The following CROCC variants were observed in gnomAD, a reference collection of about 807,000 sequenced individuals.
CROCC encodes rootletin.
Under a neutral mutation model 245.2 loss-of-function variants are expected in CROCC, and 180 were observed. The observed-to-expected ratio is 0.73, with a 90% CI of 0.65 to 0.83. The LOEUF (loss-of-function observed/expected upper bound fraction) is 0.83, where lower values mean the gene tolerates loss of function less well. Among genes scored for constraint, CROCC ranks in the 40% least tolerant of loss-of-function variants. The pLI is 0.00. For synonymous variants in CROCC, 1,205 were observed against 1,241.6 expected, an observed-to-expected ratio of 0.97 and a Z score of 0.62; for missense variants, 2,688 against 2,779.4, an observed-to-expected ratio of 0.97 and a Z score of 0.74.
At position 16,966,440 on chromosome 1, in the gene CROCC, G is replaced by T; in HGVS notation, c.4729G>T (p.Val1577Phe). 1 of 1,537,842 alleles carries T rather than the reference G, an allele frequency of 6.5e-7. No individual in the cohort carries two copies. The highest frequency in any genetic ancestry group is 8.7e-7 in the Non-Finnish European group (1 of 1,145,544). Residue 1577 changes from valine (V) to phenylalanine (F), a missense_variant, in exon 30 of 37, where the codon GTC (valine) becomes TTC (phenylalanine). Around this residue, in one of 9 missense-constraint regions of CROCC, gnomAD observed 1,218 missense variants for 1,286.3 expected, o/e 0.95. Coordinates refer to ENST00000375541, the MANE Select transcript of CROCC (RefSeq NM_014675.5). This position sits in a 1 kb window ranked among gnomAD's most constrained non-coding sequence, Gnocchi z 4.8. The part of the protein sequence containing the change: ...RRSVDGRLSG[V>F]QAELALQEES... ...CAGTGTGGATGGGCGGCTGAGCGGG[G>T]TCCAGGCGGAGCTGGCGCTGCAGGA...
upstream of CROCC, among the ~76,000 whole-genome samples, chr1:16,918,783 C>T (rs1457990007): frequency 1.4e-5 from 2 of 148,032 alleles, no homozygotes; most frequent in African/African-American, 5.0e-5. Flanking sequence ...GTCACCCAGG[C>T]TGGAGTACAG....
At chr1:16,955,856 G>C (rs759720165) in intron 24 of CROCC, 141 bp from the exon 25 acceptor site, 1 of 1,053,422 alleles carries the variant, frequency 9.5e-7, no homozygotes, top group East Asian at 2.6e-5. Flanking sequence ...AGCCCTGCAG[G>C]GCTCAGGGCT....
chr1:16,970,865 A>C, intron 35 of CROCC, 98 bp downstream of exon 35: 1 of 1,362,696 alleles, frequency 7.3e-7, no homozygotes, highest in Non-Finnish European at 9.6e-7. Flanking sequence ...AGGGCCCATA[A>C]CCCCCTCCCC....
At chr1:16,968,935 G>T (rs1468236468) in intron 31 of CROCC, 181 bp from the exon 32 acceptor site, 1 of 705,578 alleles carries the variant, frequency 1.4e-6, no homozygotes, top group Admixed American at 2.5e-5. Flanking sequence ...ATGGGATGGG[G>T]CCCAGGTGGC....
At chr1:16,948,607 C>G (rs12081151) in intron 18 of CROCC, 83 bp downstream of exon 18, 184,903 of 1,461,344 alleles carry the variant, frequency 0.13, 7,909 homozygotes, top group African/African-American at 0.2. Context: ...GGCACGGGCC[C>G]CCAGGGGCAG....
At chr1:16,969,581 G>A (rs2076478418) in intron 32 of CROCC, among the ~76,000 whole-genome samples, 1 of 152,196 alleles carries the variant, frequency 6.6e-6, no homozygotes, top group Non-Finnish European at 1.5e-5. Context: ...CAGGGGCAGG[G>A]TTTATTGGGG....
intron 13 of CROCC, among the ~76,000 whole-genome samples, chr1:16,942,790 G>A (rs1160066821): frequency 4.6e-5 from 7 of 152,378 alleles, no homozygotes; most frequent in Admixed American, 3.3e-4. Flanking sequence ...ATCCCATTTT[G>A]CATTCTGCTA....
intron 13 of CROCC, among the ~76,000 whole-genome samples, chr1:16,940,465 T>G (rs2075905379): frequency 6.6e-6 from 1 of 152,172 alleles, no homozygotes. Flanking sequence ...CTTGGCTCAT[T>G]GCATCCTCCT....
At chr1:16,956,451 G>A (rs1206374886) in intron 25 of CROCC, among the ~76,000 whole-genome samples, 6 of 152,208 alleles carry the variant, frequency 3.9e-5, no homozygotes, top group African/African-American at 1.4e-4. Flanking sequence ...AAAAGGTACA[G>A]ATTTTGTGAA....
intron 13 of CROCC, among the ~76,000 whole-genome samples, chr1:16,941,767 G>C (rs1222199111): frequency 6.6e-6 from 1 of 152,012 alleles, no homozygotes; most frequent in Non-Finnish European, 1.5e-5. Context: ...CAGTTCTTTA[G>C]TTGCCCTAGC....
rs778009448 is a variant in CROCC at position 16,968,328 on chromosome 1, G to C, written c.4986G>C (p.Glu1662Asp). 2.7e-5 allele frequency: 42 copies of C among 1,548,446 alleles called. No homozygotes were observed. The highest frequency in any genetic ancestry group is 6.9e-5 in the African/African-American group (5 of 72,938). Residue 1662 changes from glutamate (E) to aspartate (D), a missense_variant, in exon 31 of 37, where the codon GAG (glutamate) becomes GAC (aspartate). By Grantham distance (45) the Glu-to-Asp change is conservative (BLOSUM62 2). Transcript: ENST00000375541. ...VKLELQRRSL[E>D]GELQRSRLGL... ...TGGAGCTGCAGCGGCGCTCGCTTGAGGGGGAGCTGCAGCGCAGCCGCCTGG... is the reference window on the plus strand; with the variant it reads ...TGGAGCTGCAGCGGCGCTCGCTTGACGGGGAGCTGCAGCGCAGCCGCCTGG...
chr1:16,968,214 C>T lies in CROCC; in HGVS notation c.4872C>T (p.Ser1624=). ...CATGCCACCTGCAGGAGAAGATCAG[C>T]AAGATGAAGGCCAATGAGACAAAGC... ...SELRASQEKI[S]KMKANETKLE... is the part of the protein sequence containing the mutation. The change falls in exon 31 of 37, where the codon AGC becomes AGT. Residue 1624 remains serine, a synonymous_variant. Transcript: ENST00000375541. 1 of 1,564,144 alleles carries T rather than the reference C, an allele frequency of 6.4e-7. No homozygotes were observed. The highest frequency in any genetic ancestry group is 8.7e-7 in the Non-Finnish European group (1 of 1,155,700).
upstream of CROCC, among the ~76,000 whole-genome samples, chr1:16,920,265 G>A (rs2075376018): frequency 3.9e-5 from 6 of 152,250 alleles, no homozygotes; most frequent in South Asian, 1.2e-3. Flanking sequence ...TTTTAATAGA[G>A]ACGGGGTTTC....
At chr1:16,930,739 C>G in intron 7 of CROCC, 145 bp downstream of exon 7, 1 of 1,011,792 alleles carries the variant, frequency 9.9e-7, no homozygotes, top group Non-Finnish European at 1.4e-6. Flanking sequence ...ATCACAATAG[C>G]TGGTCTTTAT....
At chr1:16,932,520 G>C (rs2075700334) in intron 8 of CROCC, among the ~76,000 whole-genome samples, 2 of 152,242 alleles carry the variant, frequency 1.3e-5, no homozygotes, top group Non-Finnish European at 2.9e-5. Flanking sequence ...TGTCCTCGAG[G>C]CTCAGAAGGA....
intron 20 of CROCC, among the ~76,000 whole-genome samples, chr1:16,951,614 T>A (rs1275609840): frequency 6.6e-6 from 1 of 152,260 alleles, no homozygotes; most frequent in African/African-American, 2.4e-5. Context: ...TGAAAGGTAT[T>A]GAAGATGAGC....
intron 30 of CROCC, among the ~76,000 whole-genome samples, chr1:16,967,393 C>A (rs555528545): frequency 3.2e-4 from 49 of 152,322 alleles, no homozygotes; most frequent in African/African-American, 1.1e-3. Context: ...CCCCCACCAC[C>A]CCCGCCCCCA....
intron 21 of CROCC, chr1:16,953,766 C>T: frequency 2.8e-6 from 1 of 358,968 alleles, no homozygotes; most frequent in South Asian, 3.7e-5. Flanking sequence ...CCACGCTGGG[C>T]ATGGATCCTC....
In CROCC at chr1:16,929,852, C is replaced by G. The variant is rs1018450259; in HGVS notation, c.358C>G (p.Gln120Glu). ...KYNAVSERLE[Q>E]ALRLEPGELE... ...CCAGGGCCCTTCCCTGCAGCTGGAG[C>G]AGGCTCTGCGGCTGGAGCCTGGGGA... The change falls in exon 4 of 37, where the codon CAG becomes GAG. Residue 120 changes from glutamine (Q) to glutamate (E), a missense_variant. Transcript: ENST00000375541. The G allele has an allele frequency of 1.3e-6, 2 of 1,558,014 alleles. No homozygotes were observed. Among genetic ancestry groups the G allele is most frequent in the South Asian group, 2.4e-5 (2 of 84,436 alleles).
Sources: gnomAD v4.1 joint callset for allele counts (sites outside exome capture counted in the v4.1 genomes callset) on GRCh38, gnomAD v4.1.1 for gene constraint, gnomAD v4.1.1 regional missense constraint, Gnocchi (gnomAD v3.1) non-coding constraint, MANE v1.5 for transcripts, NCBI Gene and HGNC (gene_info 2026-07-23, HGNC 2026-07-21) for gene names.